Variants in PTBP3 observed in about 807,000 individuals in gnomAD.
PTBP3 encodes polypyrimidine tract-binding protein 3.
A neutral mutation model predicts 58.7 loss-of-function variants in PTBP3; 20 were observed. The observed-to-expected ratio is 0.34, with a 90% CI of 0.24 to 0.50. The LOEUF (loss-of-function observed/expected upper bound fraction) is 0.50, where lower values mean the gene tolerates loss of function less well. PTBP3 is among the 20% of genes least tolerant of loss of function. The pLI, the probability that PTBP3 is intolerant of heterozygous loss-of-function variation, is 0.98. For missense variants in PTBP3, 509 were observed against 637.2 expected, an observed-to-expected ratio of 0.80 and a Z score of 2.17; for synonymous variants, 185 against 219.8, an observed-to-expected ratio of 0.84 and a Z score of 1.40.
At chr9:112,253,589 GGCT>G (rs1836222984) in intron 5 of PTBP3, among the ~76,000 whole-genome samples, 1 of 152,108 alleles carries the variant, frequency 6.6e-6, no homozygotes, top group Admixed American at 6.5e-5. Flanking sequence ...GATATGGTTT[GGCT>G]CTGTGTCACC....
the PTBP3 span, among the ~76,000 whole-genome samples, chr9:112,351,673 AT>A: frequency 6.6e-6 from 1 of 152,170 alleles, no homozygotes. Flanking sequence ...TCATTTAATT[AT>A]ATCAGTATGG....
intron 2 of PTBP3, among the ~76,000 whole-genome samples, chr9:112,290,707 T>TACACACACAAACACACACACACAC (rs55862558): frequency 1.8e-5 from 2 of 110,958 alleles, no homozygotes; most frequent in Non-Finnish European, 3.4e-5. Context: ...TATATATATA[T>TACACACACAAACACACACACACAC]ACACACACAC....
intron 12 of PTBP3, among the ~76,000 whole-genome samples, chr9:112,224,422 T>A (rs952661328): frequency 1.3e-5 from 2 of 152,244 alleles, no homozygotes; most frequent in African/African-American, 4.8e-5. Flanking sequence ...GCAGAAGACA[T>A]GTGCAGGTAT....
At chr9:112,371,646 A>ATTTT in the PTBP3 span, among the ~76,000 whole-genome samples, 391 of 127,528 alleles carry the variant, frequency 3.1e-3, 7 homozygotes, top group African/African-American at 0.01. Flanking sequence ...TTTTTAGTAG[A>ATTTT]TTTTTTTTTT....
Position 112,222,701 on chromosome 9 carries a change from G to A in PTBP3, c.*1150C>T. The A allele has an allele frequency of 1.0e-6, 1 of 981,884 alleles. No homozygotes were observed. The highest frequency in any genetic ancestry group is 1.2e-6 in the Non-Finnish European group (1 of 826,466). The allele number at this position is 981,884 out of a possible 1,614,324, so 60.8% of individuals were successfully genotyped here. A position where few individuals can be genotyped will look rare whatever the true frequency, so the allele number is the denominator to read the frequency against. On this transcript the variant is annotated 3_prime_UTR_variant, in exon 14 of 14. Transcript: ENST00000374257. ...AAAATTTTAAATCCTTACCAAAACA[G>A]AGAAAGAAAAAACAAAATGCTTACC...
At position 112,299,040 on chromosome 9, in the gene PTBP3, T is replaced by C. The variant is rs796110628; in HGVS notation, c.-51-1124A>G. 9.3e-4 allele frequency among the ~76,000 whole-genome samples: 141 copies of C among 152,310 alleles called. 1 individual carries two copies. The highest frequency in any genetic ancestry group is 3.1e-3 in the African/African-American group (129 of 41,580). On this transcript the variant is annotated intron_variant, in intron 1 of 13. Transcript: ENST00000374257. ...AATAAAATCTGAGATGTAGATATTATCAGGCTACATATGATAATTAACAGA... is the reference window on the plus strand; with the variant it reads ...AATAAAATCTGAGATGTAGATATTACCAGGCTACATATGATAATTAACAGA...
intron 1 of PTBP3, chr9:112,333,081 C>T: frequency 7.8e-7 from 1 of 1,274,146 alleles, no homozygotes; most frequent in Middle Eastern, 3.0e-4. Flanking sequence ...GCGCCGCCTC[C>T]GCCTCCCCCA....
chr9:112,295,007 A>G (rs1040033891), intron 2 of PTBP3, among the ~76,000 whole-genome samples: 1 of 152,208 alleles, frequency 6.6e-6, no homozygotes, highest in Non-Finnish European at 1.5e-5. Flanking sequence ...TGGGAGGCCA[A>G]TGCAGGTGGA....
In PTBP3 at chr9:112,326,585, CAT is replaced by C. The variant is rs1830165452; in HGVS notation, c.-52+6883_-52+6884del. The stretch of plus-strand genomic sequence containing the variant: ...CATGATAATCACTAGAAGTCCTTCC[CAT>C]ATATGTGAGTTTTTCATACTCATCT... On this transcript the variant is annotated intron_variant, in intron 1 of 13. Coordinates refer to ENST00000374257, the MANE Select transcript of PTBP3 (RefSeq NM_001163788.4). Among the ~76,000 whole-genome samples the C allele has an allele frequency of 2.0e-5, 3 of 152,318 alleles. No individual in the cohort carries two copies. In the South Asian group the frequency reaches 6.2e-4, roughly 32 times the overall value.
chr9:112,307,945 T>G (rs939399044), intron 1 of PTBP3, among the ~76,000 whole-genome samples: 1 of 152,246 alleles, frequency 6.6e-6, no homozygotes, highest in South Asian at 2.1e-4. Context: ...TAAGATATTT[T>G]TGGTGTTTTG....
intron 2 of PTBP3, among the ~76,000 whole-genome samples, chr9:112,277,165 C>T (rs1827644281): frequency 6.6e-6 from 1 of 152,120 alleles, no homozygotes; most frequent in African/African-American, 2.4e-5. Context: ...GACTTAATAC[C>T]CAAACTAGCA....
the PTBP3 span, among the ~76,000 whole-genome samples, chr9:112,363,528 A>T: frequency 8.2e-6 from 1 of 121,608 alleles, no homozygotes; most frequent in Non-Finnish European, 1.7e-5. Flanking sequence ...ACACACACAC[A>T]CACACACACA....
intron 5 of PTBP3, among the ~76,000 whole-genome samples, chr9:112,255,351 T>C (rs1836301752): frequency 6.6e-6 from 1 of 152,180 alleles, no homozygotes; most frequent in East Asian, 1.9e-4. Flanking sequence ...CAATTAAAAA[T>C]AGTTAAAACA....
At chr9:112,318,815 T>C (rs1173804439) in intron 1 of PTBP3, among the ~76,000 whole-genome samples, 1 of 151,074 alleles carries the variant, frequency 6.6e-6, no homozygotes, top group African/African-American at 2.4e-5. Context: ...GCTTGAAATG[T>C]CAAAAAGAAA....
At chr9:112,345,316 A>C in the PTBP3 span, among the ~76,000 whole-genome samples, 1 of 137,366 alleles carries the variant, frequency 7.3e-6, no homozygotes, top group East Asian at 2.3e-4. Context: ...CTTCAGCCTG[A>C]GAGACAGAGT....
chr9:112,356,794 GCGCACA>G, the PTBP3 span, among the ~76,000 whole-genome samples: 358 of 136,820 alleles, frequency 2.6e-3, no homozygotes, highest in East Asian at 0.011. Flanking sequence ...AATTGCGTGT[GCGCACA>G]CACACACACA....
intron 7 of PTBP3, among the ~76,000 whole-genome samples, chr9:112,240,781 TG>T (rs1835626217): frequency 6.6e-6 from 1 of 152,032 alleles, no homozygotes; most frequent in Admixed American, 6.6e-5. Context: ...GACCTTCCAG[TG>T]GGACAAGATG....
intron 5 of PTBP3, 103 bp downstream of exon 5, chr9:112,262,332 A>G: frequency 3.0e-6 from 3 of 986,588 alleles, no homozygotes; most frequent in Non-Finnish European, 4.2e-6. Flanking sequence ...TTAAACAAAT[A>G]TATCAACAAA....
intron 1 of PTBP3, among the ~76,000 whole-genome samples, chr9:112,323,450 G>C (rs184856296): frequency 6.6e-6 from 1 of 152,146 alleles, no homozygotes; most frequent in Non-Finnish European, 1.5e-5. Flanking sequence ...AAGTGCCATG[G>C]TATTGGCCTC....
Sources: gnomAD v4.1 joint callset for allele counts (sites outside exome capture counted in the v4.1 genomes callset) on GRCh38, gnomAD v4.1.1 for gene constraint, MANE v1.5 for transcripts, NCBI Gene and HGNC (gene_info 2026-07-23, HGNC 2026-07-21) for gene names.